The following FRMD4A variants were observed in gnomAD, a reference collection of about 807,000 sequenced individuals.
The protein encoded by FRMD4A is FERM domain-containing protein 4A.
FRMD4A carries 29 observed loss-of-function variants against 129.1 expected under a neutral mutation model. The observed-to-expected ratio is 0.22, with a 90% CI of 0.17 to 0.31. The LOEUF is 0.31. FRMD4A is among the 10% of genes least tolerant of loss of function. The pLI, the probability that FRMD4A is intolerant of heterozygous loss-of-function variation, is 1.00. For synonymous variants in FRMD4A, 634 were observed against 571.6 expected (o/e 1.11, Z -1.56); for missense variants, 1,272 against 1,375.8 (o/e 0.92, Z 1.19).
At chr10:14,127,399 G>C (rs1480052678) in intron 2 of FRMD4A, among the ~76,000 whole-genome samples, 2 of 152,144 alleles carry the variant, frequency 1.3e-5, no homozygotes, top group Non-Finnish European at 2.9e-5. Context: ...TTAGTGTTCT[G>C]AGTCCCCGTC....
chr10:14,164,368 C>T (rs1296207709), intron 2 of FRMD4A, among the ~76,000 whole-genome samples: 2 of 152,228 alleles, frequency 1.3e-5, no homozygotes, highest in East Asian at 3.9e-4. Flanking sequence ...CTGTGCTCTC[C>T]TCTCATGTAG....
At chr10:13,969,714 C>A (rs2131379560) in intron 2 of FRMD4A, among the ~76,000 whole-genome samples, 1 of 151,282 alleles carries the variant, frequency 6.6e-6, no homozygotes, top group East Asian at 2.0e-4. Flanking sequence ...AATAGCTGAG[C>A]ATGGTGACAT....
intron 2 of FRMD4A, among the ~76,000 whole-genome samples, chr10:13,876,630 A>T (rs1034551222): frequency 3.9e-5 from 6 of 152,094 alleles, no homozygotes; most frequent in Admixed American, 3.9e-4. Context: ...TTTTAAAAAA[A>T]TTTTGCTTAT....
intron 6 of FRMD4A, among the ~76,000 whole-genome samples, chr10:13,778,305 G>C (rs888966918): frequency 6.6e-6 from 1 of 152,050 alleles, no homozygotes; most frequent in African/African-American, 2.4e-5. Context: ...TTTATAATGA[G>C]AAAGTGGGGT....
intron 2 of FRMD4A, among the ~76,000 whole-genome samples, chr10:13,990,724 G>A (rs1458921596): frequency 6.6e-6 from 1 of 152,150 alleles, no homozygotes; most frequent in Non-Finnish European, 1.5e-5. Context: ...TGACCTCTCC[G>A]ATCTCCAGAT....
At chr10:13,818,388 T>G (rs1462984659) in intron 3 of FRMD4A, among the ~76,000 whole-genome samples, 2 of 152,202 alleles carry the variant, frequency 1.3e-5, no homozygotes, top group African/African-American at 4.8e-5. Flanking sequence ...CAGGCTGGTC[T>G]TGAACTCCTG....
chr10:14,010,452 C>T (rs921438666), intron 2 of FRMD4A, among the ~76,000 whole-genome samples: 1 of 152,110 alleles, frequency 6.6e-6, no homozygotes, highest in Non-Finnish European at 1.5e-5. Context: ...ACATCCTTCC[C>T]TTGGGAGGCG....
chr10:14,241,683 T>TAAAA (rs71388168), intron 2 of FRMD4A, among the ~76,000 whole-genome samples: 2 of 23,404 alleles, frequency 8.5e-5, no homozygotes, highest in African/African-American at 3.5e-4. Flanking sequence ...TTACCCTCCC[T>TAAAA]AAAAAAAAAA....
chr10:13,874,639 T>G (rs930655256), intron 2 of FRMD4A, among the ~76,000 whole-genome samples: 1 of 152,234 alleles, frequency 6.6e-6, no homozygotes, highest in African/African-American at 2.4e-5. Context: ...AATTACAACT[T>G]AATTAGAAGA....
At chr10:13,691,526 AAG>A (rs1019674256) in intron 15 of FRMD4A, among the ~76,000 whole-genome samples, 11 of 152,254 alleles carry the variant, frequency 7.2e-5, no homozygotes, top group African/African-American at 2.2e-4. Flanking sequence ...CCTCAGCAAC[AAG>A]AGAGTCTCCC....
At chr10:13,874,012 C>A (rs997264008) in intron 2 of FRMD4A, among the ~76,000 whole-genome samples, 3 of 150,466 alleles carry the variant, frequency 2.0e-5, no homozygotes, top group Non-Finnish European at 4.4e-5. Flanking sequence ...TTTGGGAGGC[C>A]GAGGCAGATG....
chr10:13,914,059 G>T (rs2094972908), intron 2 of FRMD4A, among the ~76,000 whole-genome samples: 1 of 152,186 alleles, frequency 6.6e-6, no homozygotes, highest in South Asian at 2.1e-4. Context: ...TGAGGTCAAA[G>T]CCCTGGGCAG....
intron 2 of FRMD4A, among the ~76,000 whole-genome samples, chr10:13,919,425 A>G (rs935773996): frequency 1.3e-5 from 2 of 152,208 alleles, no homozygotes; most frequent in African/African-American, 4.8e-5. Flanking sequence ...AGAGAAAGAA[A>G]ACTTAGAAAA....
At chr10:14,206,077 T>C (rs887184257) in intron 2 of FRMD4A, among the ~76,000 whole-genome samples, 1 of 152,198 alleles carries the variant, frequency 6.6e-6, no homozygotes, top group Non-Finnish European at 1.5e-5. Context: ...GTGACCAGTC[T>C]GCCTCACTGT....
At chr10:13,957,420 A>AT (rs2095416394) in intron 2 of FRMD4A, among the ~76,000 whole-genome samples, 2 of 151,856 alleles carry the variant, frequency 1.3e-5, no homozygotes, top group African/African-American at 2.4e-5. Context: ...TGCCCGGCTA[A>AT]TTTTTTGTAT....
intron 2 of FRMD4A, among the ~76,000 whole-genome samples, chr10:13,971,491 A>G (rs776251231): frequency 6.6e-6 from 1 of 152,188 alleles, no homozygotes; most frequent in Non-Finnish European, 1.5e-5. Flanking sequence ...TATGGCACGC[A>G]TGGCACCTAG....
At position 14,218,955 on chromosome 10, in the gene FRMD4A, C is replaced by CAA. The variant is rs56064346; in HGVS notation, c.45+111101_45+111102dup. Among the ~76,000 whole-genome samples the CAA allele has an allele frequency of 8.4e-4, 61 of 72,648 alleles. 11 individuals carry two copies. Among genetic ancestry groups the CAA allele is most frequent in the African/African-American group, 4.7e-3 (61 of 13,058 alleles). The allele number at this position is 72,648 out of a possible 152,430, so 47.7% of individuals were successfully genotyped here. ...GGGCAACAAGAGTGAGACTTCATCT[C>CAA]AAAAAAAAAAAAAAAAAAAAAAAAA... On this transcript the variant is annotated intron_variant, in intron 2 of 24. Coordinates refer to ENST00000357447, the MANE Select transcript of FRMD4A (RefSeq NM_018027.5).
chr10:14,092,599 T>C (rs577803432), intron 2 of FRMD4A, among the ~76,000 whole-genome samples: 3 of 152,366 alleles, frequency 2.0e-5, no homozygotes, highest in South Asian at 2.1e-4. Flanking sequence ...TCAGTGTTCA[T>C]TGAGTATAGA....
chr10:13,932,351 C>T (rs553067155), intron 2 of FRMD4A, among the ~76,000 whole-genome samples: 30 of 152,306 alleles, frequency 2.0e-4, no homozygotes, highest in African/African-American at 7.2e-4. Flanking sequence ...CTCAACATCT[C>T]CATTTTTTTC....
Sources: gnomAD v4.1 joint callset for allele counts (sites outside exome capture counted in the v4.1 genomes callset) on GRCh38, gnomAD v4.1.1 for gene constraint, MANE v1.5 for transcripts, NCBI Gene and HGNC (gene_info 2026-07-23, HGNC 2026-07-21) for gene names.